FRMD8: variants seen among roughly 807,000 people sequenced by gnomAD.
FRMD8 encodes FERM domain containing 8, also known as FERM domain-containing protein 8.
FRMD8 carries 37 observed loss-of-function variants against 54.2 expected under a neutral mutation model. The observed-to-expected ratio is 0.68, with a 90% CI of 0.53 to 0.90. The LOEUF (loss-of-function observed/expected upper bound fraction) is 0.90, where lower values mean the gene tolerates loss of function less well. Among genes scored for constraint, FRMD8 ranks in the 40% least tolerant of loss-of-function variants. The probability of loss-of-function intolerance (pLI) is 0.00; values close to 1 mark genes in which losing one functional copy is unlikely to be tolerated. For synonymous variants in FRMD8, 246 were observed against 286.9 expected (o/e 0.86, Z 1.44); for missense variants, 585 against 653.7 (o/e 0.89, Z 1.15).
the FRMD8 span, among the ~76,000 whole-genome samples, chr11:65,369,244 G>C: frequency 6.6e-6 from 1 of 152,250 alleles, no homozygotes; most frequent in East Asian, 1.9e-4. Flanking sequence ...AAGGAAGTGT[G>C]GCTGAACTGA....
At position 65,401,523 on chromosome 11, in the gene FRMD8, C is replaced by T. The variant is rs1383365556; in HGVS notation, c.1071+656C>T. 2.7e-5 allele frequency among the ~76,000 whole-genome samples: 4 copies of T among 150,732 alleles called. 1 individual carries two copies. Among genetic ancestry groups the T allele is most frequent in the African/African-American group, 7.3e-5 (3 of 40,834 alleles). ...CTGGATCCTTCATTCCACACCTCTC[C>T]GGCTTCCTTTTGGTGCCCTTCACCC... On this transcript the variant is annotated intron_variant, in intron 9 of 10. Coordinates refer to ENST00000317568, the MANE Select transcript of FRMD8 (RefSeq NM_031904.5).
the FRMD8 span, chr11:65,379,878 G>A: frequency 5.6e-6 from 9 of 1,614,200 alleles, no homozygotes; most frequent in Non-Finnish European, 5.9e-6. Context: ...GACTCATGGC[G>A]GTAAATCTTG....
the FRMD8 span, chr11:65,376,659 C>T: frequency 4.3e-6 from 7 of 1,613,926 alleles, no homozygotes; most frequent in Non-Finnish European, 5.9e-6. Context: ...CCCCTGCCAC[C>T]AGCACCGTGG....
the FRMD8 span, chr11:65,376,863 A>G: frequency 6.2e-7 from 1 of 1,614,134 alleles, no homozygotes; most frequent in Non-Finnish European, 8.5e-7. Flanking sequence ...AGCCCTTCAT[A>G]GGTGATGAAG....
At chr11:65,397,056 C>T (rs376284300) in intron 7 of FRMD8, 36 bp downstream of exon 7, 26 of 1,214,188 alleles carry the variant, frequency 2.1e-5, no homozygotes, top group South Asian at 6.8e-5. Flanking sequence ...CCACCCCCTC[C>T]GCAGGCTGTT....
Position 65,399,725 on chromosome 11 carries a change from C to T in FRMD8, c.804-11C>T. Reference sequence around the variant, plus strand: ...GTGCTGGCCGGAGGCTGACCCCAGTCCCCTCCCCAGGTGTGCCTTCTTCCA... The same window carrying T: ...GTGCTGGCCGGAGGCTGACCCCAGTTCCCTCCCCAGGTGTGCCTTCTTCCA... On this transcript the variant is annotated splice_polypyrimidine_tract_variant and intron_variant, in intron 7 of 10. Coordinates refer to ENST00000317568, the MANE Select transcript of FRMD8 (RefSeq NM_031904.5). 6.2e-7 allele frequency: 1 copy of T among 1,613,658 alleles called. No homozygotes were observed. Among genetic ancestry groups the T allele is most frequent in the African/African-American group, 1.3e-5 (1 of 75,058 alleles).
At chr11:65,393,783 C>A in intron 4 of FRMD8, 109 bp downstream of exon 4, 1 of 954,962 alleles carries the variant, frequency 1.0e-6, no homozygotes, top group Non-Finnish European at 1.6e-6. Flanking sequence ...GGCTGAGGGG[C>A]AGGGCCTGCA....
At chr11:65,375,986 C>T in the FRMD8 span, 345 of 176,186 alleles carry the variant, frequency 2.0e-3, no homozygotes, top group African/African-American at 8.0e-3. Flanking sequence ...TGCTTGAACC[C>T]GGAAGGTGGA....
At chr11:65,397,078 C>A in intron 7 of FRMD8, 58 bp downstream of exon 7, 3 of 996,646 alleles carry the variant, frequency 3.0e-6, no homozygotes, top group Non-Finnish European at 2.8e-6. Context: ...TTGGGCTTTG[C>A]TAGCACAGCT....
At chr11:65,391,092 G>A (rs1855836337) in intron 3 of FRMD8, among the ~76,000 whole-genome samples, 2 of 152,276 alleles carry the variant, frequency 1.3e-5, no homozygotes, top group East Asian at 1.9e-4. Context: ...TGCCCTGCAA[G>A]GGCAGGGAGG....
the FRMD8 span, chr11:65,379,461 G>A: frequency 4.3e-6 from 7 of 1,614,048 alleles, no homozygotes; most frequent in East Asian, 2.2e-5. Flanking sequence ...GGAGGTGGCC[G>A]TGAGCACCAG....
upstream of FRMD8, chr11:65,382,008 C>T (rs527692486): frequency 3.5e-5 from 51 of 1,440,548 alleles, no homozygotes; most frequent in Non-Finnish European, 4.6e-5. This position sits in a 1 kb window ranked among gnomAD's most constrained non-coding sequence, Gnocchi z 4.4. Context: ...TGAATTCCCC[C>T]CTCTCCCTCC....
At chr11:65,407,990 T>G (rs1856243562) in intron 10 of FRMD8, among the ~76,000 whole-genome samples, 1 of 152,158 alleles carries the variant, frequency 6.6e-6, no homozygotes, top group Non-Finnish European at 1.5e-5. Flanking sequence ...CTTTGACTTT[T>G]TCTTTGTACT....
At chr11:65,384,887 G>T (rs1279240112), upstream of FRMD8, among the ~76,000 whole-genome samples, 1 of 152,018 alleles carries the variant, frequency 6.6e-6, no homozygotes, top group East Asian at 1.9e-4. Flanking sequence ...TAATTTTTGG[G>T]TTTTTTACAG....
At chr11:65,384,966 C>T (rs1855707717), upstream of FRMD8, among the ~76,000 whole-genome samples, 1 of 152,166 alleles carries the variant, frequency 6.6e-6, no homozygotes, top group Admixed American at 6.5e-5. Flanking sequence ...CTGCCTCGGC[C>T]TCCCAAAGTG....
chr11:65,399,203 G>A (rs1241681992), intron 7 of FRMD8, among the ~76,000 whole-genome samples: 1 of 152,014 alleles, frequency 6.6e-6, no homozygotes, highest in Non-Finnish European at 1.5e-5. Context: ...GTTTCACCCT[G>A]TTAGCCAGGA....
the FRMD8 span, chr11:65,381,560 CTTTTT>C: frequency 2.6e-3 from 221 of 84,628 alleles, 2 homozygotes; most frequent in African/African-American, 8.9e-3. Context: ...TGCCCTGATT[CTTTTT>C]TTTTTTTTTT....
chr11:65,397,458 T>C (rs745617933), intron 7 of FRMD8, among the ~76,000 whole-genome samples: 1 of 152,200 alleles, frequency 6.6e-6, no homozygotes, highest in Non-Finnish European at 1.5e-5. Context: ...GAGGAGAGCC[T>C]GTCATTGGGC....
At chr11:65,397,114 C>T in intron 7 of FRMD8, 94 bp downstream of exon 7, 1 of 675,876 alleles carries the variant, frequency 1.5e-6, no homozygotes, top group Non-Finnish European at 2.3e-6. Flanking sequence ...TCTGCTCCAG[C>T]TGAGCTGTGT....
Sources: allele counts gnomAD v4.1 joint callset (sites outside exome capture counted in the v4.1 genomes callset), GRCh38; gene constraint gnomAD v4.1.1; non-coding constraint Gnocchi (gnomAD v3.1); transcripts MANE v1.5; gene names NCBI Gene and HGNC (gene_info 2026-07-23, HGNC 2026-07-21).